The following WSCD2 variants were observed in gnomAD, a reference collection of about 807,000 sequenced individuals.
WSCD2 encodes the protein sialate:O-sulfotransferase 2.
WSCD2 carries 28 observed loss-of-function variants against 55.7 expected under a neutral mutation model. The ratio of observed to expected loss-of-function variants is 0.50; its 90% confidence interval spans 0.37 to 0.69. The LOEUF (loss-of-function observed/expected upper bound fraction) is 0.69, where lower values mean the gene tolerates loss of function less well. WSCD2 is among the 30% of genes least tolerant of loss of function. WSCD2 has a pLI of 0.00. For synonymous variants in WSCD2, 301 were observed against 301.9 expected (o/e 1.00, Z 0.03); for missense variants, 616 against 762.1 (o/e 0.81, Z 2.26).
intron 1 of WSCD2, among the ~76,000 whole-genome samples, chr12:108,168,375 C>A (rs1361998980): frequency 2.0e-5 from 3 of 152,148 alleles, no homozygotes; most frequent in African/African-American, 7.2e-5. Flanking sequence ...ATCTCCATGT[C>A]TCCCTTAAAT....
rs972776520 is a variant in WSCD2, at chr12:108,228,606, G to C, written c.979+1442G>C. Among the ~76,000 whole-genome samples the C allele has an allele frequency of 2.0e-5, 3 of 152,220 alleles. No individual in the cohort carries two copies. The East Asian group carries it at 5.8e-4, about 29-fold the overall frequency. On this transcript the variant is annotated intron_variant, in intron 6 of 8. Coordinates refer to ENST00000547525, the MANE Select transcript of WSCD2 (RefSeq NM_014653.4). ...GCAGGTTGAGCATTGCACTGGCACA[G>C]CCAACAGAAAAAGTGGTGCCTAAAA...
At chr12:108,139,289 G>T (rs1876536930) in intron 1 of WSCD2, among the ~76,000 whole-genome samples, 2 of 152,208 alleles carry the variant, frequency 1.3e-5, no homozygotes, top group African/African-American at 4.8e-5. Flanking sequence ...AAACAAGAGA[G>T]AATTTATGGC....
At chr12:108,149,759 A>T (rs1353029583) in intron 1 of WSCD2, 1 of 152,226 alleles carries the variant, frequency 6.6e-6, no homozygotes, top group Non-Finnish European at 1.5e-5. Context: ...TGTAGATACA[A>T]CAGTGAACAA....
At position 108,206,393 on chromosome 12, in the gene WSCD2, T is replaced by C. The variant is rs1885371438; in HGVS notation, c.487T>C (p.Cys163Arg). Residue 163 changes from cysteine to arginine, a missense_variant, in exon 3 of 9, where the codon TGT becomes CGT. Coordinates refer to ENST00000547525, the MANE Select transcript of WSCD2 (RefSeq NM_014653.4). ...GACCATCTTCCGTTGCCAGGACAAC[T>C]GTGCTGAACGGTAGGGTCCCAGCAT... ...KMTIFRCQDN[C>R]AERGYLYGGL... The C allele has an allele frequency of 6.2e-7, 1 of 1,614,132 alleles. No individual in the cohort carries two copies. The highest frequency in any genetic ancestry group is 1.7e-5 in the Admixed American group (1 of 60,014).
At chr12:108,221,897 C>T (rs1887570216) in intron 4 of WSCD2, among the ~76,000 whole-genome samples, 1 of 152,222 alleles carries the variant, frequency 6.6e-6, no homozygotes, top group South Asian at 2.1e-4. Context: ...CCACCTGTCT[C>T]ACCAGGATAA....
intron 1 of WSCD2, among the ~76,000 whole-genome samples, chr12:108,185,377 G>A (rs1460440380): frequency 1.3e-5 from 2 of 152,102 alleles, no homozygotes; most frequent in East Asian, 3.9e-4. Flanking sequence ...CCACCTCCCA[G>A]TCTCTGCATG....
rs541506801 is a variant in WSCD2, at chr12:108,238,190, C to T, written c.1145-2154C>T. ...CTCCCACATCCTATTCCTCATTCTCCTCTGGAGGAGATTTTTTCCATGACA... is the reference window on the plus strand; with the variant it reads ...CTCCCACATCCTATTCCTCATTCTCTTCTGGAGGAGATTTTTTCCATGACA... On this transcript the variant is annotated intron_variant, in intron 7 of 8. Coordinates refer to ENST00000547525, the MANE Select transcript of WSCD2 (RefSeq NM_014653.4). 3.9e-5 allele frequency among the ~76,000 whole-genome samples: 6 copies of T among 152,338 alleles called. No individual in the cohort carries two copies. In the South Asian group the frequency reaches 1.0e-3, roughly 26 times the overall value.
chr12:108,162,540 T>C (rs1371191446), intron 1 of WSCD2, among the ~76,000 whole-genome samples: 3 of 152,234 alleles, frequency 2.0e-5, no homozygotes, highest in Non-Finnish European at 4.4e-5. Flanking sequence ...AATCTATTTC[T>C]TTCTGCATCT....
intron 7 of WSCD2, among the ~76,000 whole-genome samples, chr12:108,237,991 T>A (rs1889403306): frequency 6.6e-6 from 1 of 152,226 alleles, no homozygotes. Flanking sequence ...CCTGCCTGTG[T>A]TTTCCATTGC....
intron 2 of WSCD2, among the ~76,000 whole-genome samples, chr12:108,200,829 T>G (rs954960034): frequency 2.0e-5 from 3 of 152,320 alleles, no homozygotes; most frequent in Middle Eastern, 3.4e-3. Context: ...CCTTATGCCT[T>G]GACCAAAGTG....
intron 7 of WSCD2, among the ~76,000 whole-genome samples, chr12:108,234,360 A>C (rs1236984461): frequency 6.6e-6 from 1 of 152,152 alleles, no homozygotes; most frequent in Non-Finnish European, 1.5e-5. Context: ...GAGACACAGG[A>C]GGGAGGCAGA....
rs536541715 is a variant in WSCD2 at position 108,146,914 on chromosome 12, A to G, written c.-552+16988A>G. ...GCCAGTCCTTTTGGATTATTAACTC[A>G]TTAACAATGAACTTCATCCATACAT... On this transcript the variant is annotated intron_variant, in intron 1 of 8. Transcript: ENST00000547525. Among the ~76,000 whole-genome samples the G allele has an allele frequency of 2.0e-5, 3 of 152,214 alleles. No individual in the cohort carries two copies. In the South Asian group the frequency reaches 6.2e-4, roughly 32 times the overall value.
chr12:108,187,178 A>G (rs1473725015), intron 1 of WSCD2, among the ~76,000 whole-genome samples: 1 of 152,162 alleles, frequency 6.6e-6, no homozygotes, highest in Non-Finnish European at 1.5e-5. Flanking sequence ...CGGCAGTGCC[A>G]GTGGGAAGGG....
At chr12:108,190,182 G>A (rs769569534) in intron 1 of WSCD2, among the ~76,000 whole-genome samples, 1 of 152,094 alleles carries the variant, frequency 6.6e-6, no homozygotes, top group Non-Finnish European at 1.5e-5. Context: ...TAAGATGACT[G>A]GCATATAGTA....
intron 1 of WSCD2, among the ~76,000 whole-genome samples, chr12:108,137,031 CA>C (rs1435561219): frequency 6.6e-6 from 1 of 152,178 alleles, no homozygotes; most frequent in East Asian, 1.9e-4. Flanking sequence ...TCTGGATTTG[CA>C]GGTTCATAGA....
chr12:108,130,683 G>A, intron 1 of WSCD2, among the ~76,000 whole-genome samples: 1 of 152,148 alleles, frequency 6.6e-6, no homozygotes. Flanking sequence ...CAGCTTCAAA[G>A]GGGCTGCTCC....
At chr12:108,199,618 A>G (rs1323003326) in intron 2 of WSCD2, among the ~76,000 whole-genome samples, 2 of 152,234 alleles carry the variant, frequency 1.3e-5, no homozygotes, top group Admixed American at 6.5e-5. Context: ...TGATGATTAC[A>G]TAAGGTCAAT....
At position 108,250,087 on chromosome 12, in the gene WSCD2, C is replaced by T. The variant is rs1367470973; in HGVS notation, c.*1744C>T. The stretch of plus-strand genomic sequence containing the variant: ...GCCTGAAGATTCCTCAGGTCAACAC[C>T]ATCATTAAATGCGAGTTTTGTTGAT... On this transcript the variant is annotated 3_prime_UTR_variant, in exon 9 of 9. Coordinates refer to ENST00000547525, the MANE Select transcript of WSCD2 (RefSeq NM_014653.4). 6.6e-6 allele frequency: 1 copy of T among 152,114 alleles called. No homozygotes were observed. The highest frequency in any genetic ancestry group is 1.5e-5 in the Non-Finnish European group (1 of 68,030). The allele number at this position is 152,114 out of a possible 1,614,324, so 9.4% of individuals were successfully genotyped here.
intron 4 of WSCD2, among the ~76,000 whole-genome samples, chr12:108,211,773 C>A (rs2137109268): frequency 6.6e-6 from 1 of 151,142 alleles, no homozygotes; most frequent in African/African-American, 2.4e-5. Context: ...CCTGCCTCAG[C>A]CTCCCAAGTA....
Sources: gnomAD v4.1 joint callset for allele counts (sites outside exome capture counted in the v4.1 genomes callset) on GRCh38, gnomAD v4.1.1 for gene constraint, MANE v1.5 for transcripts, NCBI Gene and HGNC (gene_info 2026-07-23, HGNC 2026-07-21) for gene names.